TCF12: variants seen among roughly 807,000 people sequenced by gnomAD.
The protein encoded by TCF12 is transcription factor 12, also known as DNA-binding protein HTF4.
TCF12 carries 45 observed loss-of-function variants against 86.0 expected under a neutral mutation model. The ratio of observed to expected loss-of-function variants is 0.52; its 90% CI spans 0.41 to 0.67. The LOEUF (loss-of-function observed/expected upper bound fraction) is 0.67. TCF12 is among the 30% of genes least tolerant of loss of function. The pLI is 0.00. For missense variants in TCF12, 881 were observed against 859.9 expected (o/e 1.02, Z -0.31); for synonymous variants, 330 against 299.6 (o/e 1.10, Z -1.05).
At position 56,919,952 on chromosome 15, in the gene TCF12, C is replaced by T; in HGVS notation, c.39C>T (p.Thr13=). The T allele has an allele frequency of 6.8e-6, 11 of 1,614,030 alleles. No individual in the cohort carries two copies. The highest frequency in any genetic ancestry group is 1.3e-5 in the African/African-American group (1 of 75,010). Residue 13 remains threonine, a synonymous_variant, in exon 2 of 21, where the codon ACC becomes ACT. Transcript: ENST00000333725. ...PQQQRMAAIG[T]DKELSDLLDF... ...AACAACGCATGGCCGCTATAGGGAC[C>T]GACAAGGAGCTGAGCGACCTACTGG... is the stretch of plus-strand genomic sequence containing the variant.
intron 3 of TCF12, among the ~76,000 whole-genome samples, chr15:57,033,278 CTA>C (rs1254979006): frequency 6.6e-6 from 1 of 151,986 alleles, no homozygotes; most frequent in African/African-American, 2.4e-5. Flanking sequence ...TTGCTGAAAA[CTA>C]TGATTGTGTT....
Position 57,232,411 on chromosome 15 carries a change from T to C in TCF12, c.806T>C (p.Leu269Pro), listed in dbSNP as rs1386024880. The change falls in exon 10 of 21, where the codon CTT becomes CCT. Residue 269 changes from leucine to proline, a missense_variant. Physicochemically the swap from Leu to Pro is moderately conservative, Grantham distance 98. Transcript: ENST00000333725. ...TCTCAATCCAGTAGTTATGGCAACC[T>C]TCATTCACATGACCGCTTGGTAGGC... ...HMSQSSSYGN[L>P]HSHDRLSYPP... 4 of 1,608,642 alleles carry C rather than the reference T, an allele frequency of 2.5e-6. No homozygotes were observed. Among genetic ancestry groups the C allele is most frequent in the East Asian group, 4.5e-5 (2 of 44,840 alleles).
chr15:57,221,433 A>G lies in TCF12; in HGVS notation c.580-9719A>G, dbSNP rs1457997059. ...GTGTGCACGTGTATAAGTTCAGTAAAATTAATTATGTAGGACCCTGAACCA... is the reference window on the plus strand; with the variant it reads ...GTGTGCACGTGTATAAGTTCAGTAAGATTAATTATGTAGGACCCTGAACCA... On this transcript the variant is annotated intron_variant, in intron 8 of 20. Transcript: ENST00000333725. 4.0e-5 allele frequency among the ~76,000 whole-genome samples: 6 copies of G among 149,716 alleles called. No homozygotes were observed. The Admixed American group carries it at 4.0e-4, about 10-fold the overall frequency.
chr15:57,012,414 G>A lies in TCF12; in HGVS notation c.149-51336G>A, dbSNP rs140718782. 6.7e-4 allele frequency among the ~76,000 whole-genome samples: 102 copies of A among 152,164 alleles called. No homozygotes were observed. In the East Asian group the frequency reaches 0.017, roughly 26 times the overall value. On this transcript the variant is annotated intron_variant, in intron 3 of 20. Coordinates refer to ENST00000333725, the MANE Select transcript of TCF12 (RefSeq NM_207037.2). ...GTAGTGGTAGCTTTTTCATTCTTCCGTATTGTTTCTTCACCTATTAAGATA... is the reference window on the plus strand; with the variant it reads ...GTAGTGGTAGCTTTTTCATTCTTCCATATTGTTTCTTCACCTATTAAGATA...
At chr15:57,020,488 A>G (rs1474683072) in intron 3 of TCF12, among the ~76,000 whole-genome samples, 2 of 152,182 alleles carry the variant, frequency 1.3e-5, no homozygotes, top group Non-Finnish European at 2.9e-5. Flanking sequence ...AGGGACACCT[A>G]TTGTTATTTA....
chr15:57,010,480 C>CA (rs142631567), intron 3 of TCF12, among the ~76,000 whole-genome samples: 1 of 152,000 alleles, frequency 6.6e-6, no homozygotes, highest in African/African-American at 2.4e-5. Flanking sequence ...ACCGATATGA[C>CA]AAAGAGTAGA....
chr15:57,013,535 A>G (rs953346451), intron 3 of TCF12, among the ~76,000 whole-genome samples: 2 of 152,122 alleles, frequency 1.3e-5, no homozygotes, highest in Non-Finnish European at 2.9e-5. Flanking sequence ...TGGCCAGGCT[A>G]ATCTTGAACT....
chr15:57,075,164 G>C (rs2069772336), intron 4 of TCF12, among the ~76,000 whole-genome samples: 1 of 152,220 alleles, frequency 6.6e-6, no homozygotes, highest in South Asian at 2.1e-4. Context: ...TTAAGTGCCA[G>C]CTGTCCTGAA....
chr15:57,108,967 T>C (rs528839725), intron 5 of TCF12, among the ~76,000 whole-genome samples: 1 of 152,350 alleles, frequency 6.6e-6, no homozygotes, highest in East Asian at 1.9e-4. Flanking sequence ...TTTTCAGAAA[T>C]ATTTTTCAAA....
At chr15:57,219,410 TC>T in intron 8 of TCF12, 1 of 1,392,552 alleles carries the variant, frequency 7.2e-7, no homozygotes, top group East Asian at 2.6e-5. Context: ...TTTGAGTAGA[TC>T]CATGTGTGAA....
intron 3 of TCF12, among the ~76,000 whole-genome samples, chr15:57,055,959 C>T (rs1316469535): frequency 6.6e-6 from 1 of 151,792 alleles, no homozygotes. Flanking sequence ...TCTCTGAGGC[C>T]CTGTTTGTTT....
chr15:57,091,514 C>G (rs907769374), intron 4 of TCF12, among the ~76,000 whole-genome samples: 4 of 152,104 alleles, frequency 2.6e-5, no homozygotes, highest in African/African-American at 9.7e-5. Flanking sequence ...ATCAGAAGAG[C>G]TGATGATACT....
intron 8 of TCF12, among the ~76,000 whole-genome samples, chr15:57,222,331 A>G (rs548647195): frequency 1.3e-5 from 2 of 151,512 alleles, no homozygotes; most frequent in South Asian, 2.1e-4. Flanking sequence ...GAACTTTTTT[A>G]TATTTTATTA....
chr15:57,071,872 T>C (rs1347784938), intron 4 of TCF12, among the ~76,000 whole-genome samples: 2 of 152,164 alleles, frequency 1.3e-5, no homozygotes, highest in African/African-American at 2.4e-5. Flanking sequence ...TCTGGAAATA[T>C]GGAATGATGG....
rs1349702710 is a variant in TCF12, at chr15:57,086,174, A to G, written c.223-5615A>G. The stretch of plus-strand genomic sequence containing the variant: ...AAAAAAATAGGGTCCCTGTGCTCTC[A>G]GAATTTGTAAGACATAATCTCTAAC... On this transcript the variant is annotated intron_variant, in intron 4 of 20. Coordinates refer to ENST00000333725, the MANE Select transcript of TCF12 (RefSeq NM_207037.2). Among the ~76,000 whole-genome samples the G allele has an allele frequency of 3.3e-5, 5 of 149,698 alleles. No individual in the cohort carries two copies. The South Asian group carries it at 6.4e-4, about 19-fold the overall frequency.
intron 3 of TCF12, among the ~76,000 whole-genome samples, chr15:57,019,678 T>C (rs1214512851): frequency 6.6e-6 from 1 of 152,084 alleles, no homozygotes; most frequent in African/African-American, 2.4e-5. Flanking sequence ...CAGTCTGTTG[T>C]CAGAATGAAA....
At chr15:57,076,957 G>T (rs892988574) in intron 4 of TCF12, among the ~76,000 whole-genome samples, 2 of 151,994 alleles carry the variant, frequency 1.3e-5, no homozygotes, top group Non-Finnish European at 2.9e-5. Flanking sequence ...TTAAAAATCT[G>T]TTGGCCATAT....
chr15:56,954,703 A>G (rs2061425875), intron 3 of TCF12, among the ~76,000 whole-genome samples: 1 of 152,220 alleles, frequency 6.6e-6, no homozygotes, highest in Non-Finnish European at 1.5e-5. Flanking sequence ...AGAATCTACA[A>G]GGAACTCAAA....
intron 5 of TCF12, among the ~76,000 whole-genome samples, chr15:57,155,940 A>G (rs565468276): frequency 2.0e-5 from 3 of 152,224 alleles, no homozygotes; most frequent in Non-Finnish European, 4.4e-5. Flanking sequence ...AAGTGTACAA[A>G]ATGTGCTTCA....
Sources: allele counts gnomAD v4.1 joint callset (sites outside exome capture counted in the v4.1 genomes callset), GRCh38; gene constraint gnomAD v4.1.1; transcripts MANE v1.5; gene names NCBI Gene and HGNC (gene_info 2026-07-23, HGNC 2026-07-21).